HMCN1: variants seen among roughly 807,000 people sequenced by gnomAD.
HMCN1 encodes hemicentin-1.
A neutral mutation model predicts 625.9 loss-of-function variants in HMCN1; 321 were observed. The ratio of observed to expected loss-of-function variants is 0.51; its 90% CI spans 0.47 to 0.56. The LOEUF (loss-of-function observed/expected upper bound fraction) is 0.56, where lower values mean the gene tolerates loss of function less well. Among genes scored for constraint, HMCN1 ranks in the 20% least tolerant of loss-of-function variants. The pLI is 0.00. For missense variants in HMCN1, 6,588 were observed against 6,887.3 expected (o/e 0.96, Z 1.54); for synonymous variants, 2,425 against 2,417.6 (o/e 1.00, Z -0.09).
intron 42 of HMCN1, among the ~76,000 whole-genome samples, chr1:186,049,961 A>G (rs994260673): frequency 5.3e-5 from 8 of 151,848 alleles, no homozygotes; most frequent in African/African-American, 9.7e-5. Flanking sequence ...ATTACATACT[A>G]CTTATATGTA....
intron 1 of HMCN1, among the ~76,000 whole-genome samples, chr1:185,769,206 G>A (rs765089557): frequency 1.8e-4 from 27 of 152,160 alleles, no homozygotes; most frequent in Middle Eastern, 3.4e-3. Flanking sequence ...CCAGCACTTC[G>A]GAAGGCTGAG....
At chr1:186,080,472 A>AT (rs1373681923) in intron 55 of HMCN1, among the ~76,000 whole-genome samples, 1 of 152,188 alleles carries the variant, frequency 6.6e-6, no homozygotes, top group Non-Finnish European at 1.5e-5. Flanking sequence ...GGGTAACGTG[A>AT]TTTTTCATAA....
intron 81 of HMCN1, among the ~76,000 whole-genome samples, chr1:186,124,107 C>T (rs531544107): frequency 2.8e-4 from 42 of 152,146 alleles, no homozygotes; most frequent in African/African-American, 9.9e-4. Flanking sequence ...ACTCCTTCTT[C>T]TCAAATGTCT....
chr1:186,102,019 C>T (rs1025324361), intron 68 of HMCN1, among the ~76,000 whole-genome samples: 4 of 151,864 alleles, frequency 2.6e-5, no homozygotes, highest in Non-Finnish European at 1.5e-5. Flanking sequence ...CAAGAAAGGA[C>T]GAAGCTTGTT....
intron 1 of HMCN1, among the ~76,000 whole-genome samples, chr1:185,743,177 C>A (rs933454866): frequency 6.6e-6 from 1 of 152,160 alleles, no homozygotes; most frequent in African/African-American, 2.4e-5. Context: ...TACAGCCACA[C>A]AATAGACACT....
chr1:185,916,102 T>C (rs1012579538), intron 6 of HMCN1, among the ~76,000 whole-genome samples: 4 of 151,884 alleles, frequency 2.6e-5, no homozygotes, highest in African/African-American at 9.7e-5. Flanking sequence ...AAGTAGAATT[T>C]ATGTTTTGGA....
At chr1:185,986,639 T>G (rs1396815976) in intron 19 of HMCN1, among the ~76,000 whole-genome samples, 1 of 152,022 alleles carries the variant, frequency 6.6e-6, no homozygotes, top group East Asian at 1.9e-4. Flanking sequence ...CTTTCTAAAG[T>G]CAAAGGTGTT....
intron 95 of HMCN1, 59 bp from the exon 96 acceptor site, chr1:186,152,691 T>C: frequency 6.2e-7 from 1 of 1,608,906 alleles, no homozygotes; most frequent in Non-Finnish European, 8.5e-7. Context: ...GTAAATCTGC[T>C]CTGTGCTTAC....
chr1:185,903,051 T>A lies in HMCN1; in HGVS notation c.622-6286T>A, dbSNP rs1665904576. Among the ~76,000 whole-genome samples, 2 of 151,770 alleles carry A rather than the reference T, an allele frequency of 1.3e-5. 1 individual carries two copies. Among genetic ancestry groups the A allele is most frequent in the South Asian group, 4.1e-4 (2 of 4,830 alleles). On this transcript the variant is annotated intron_variant, in intron 4 of 106. Coordinates refer to ENST00000271588, the MANE Select transcript of HMCN1 (RefSeq NM_031935.3). ...AAGTTAATTTTCTGTATTTGTATTA[T>A]TTTAAATAAAACATATTTTTCTGGC...
chr1:186,188,249 A>G (rs67079542), intron 106 of HMCN1, among the ~76,000 whole-genome samples: 4,650 of 152,304 alleles, frequency 0.031, 84 homozygotes, highest in Non-Finnish European at 0.048. Context: ...CAGTCTTCCC[A>G]GAATATAACA....
At chr1:185,845,933 G>T in intron 1 of HMCN1, 93 bp from the exon 2 acceptor site, 1 of 780,104 alleles carries the variant, frequency 1.3e-6, no homozygotes, top group Non-Finnish European at 2.3e-6. Context: ...AAGTAACCAT[G>T]TACTGCAAGG....
chr1:186,019,849 G>A (rs143997729), intron 35 of HMCN1, among the ~76,000 whole-genome samples, 154 bp downstream of exon 35: 158 of 152,036 alleles, frequency 1.0e-3, no homozygotes, highest in Admixed American at 8.7e-3. Flanking sequence ...GAGTTTTTAA[G>A]AATTTAACAA....
intron 1 of HMCN1, among the ~76,000 whole-genome samples, chr1:185,835,443 G>A (rs1489890387): frequency 6.6e-6 from 1 of 151,870 alleles, no homozygotes; most frequent in African/African-American, 2.4e-5. Context: ...AGGGGAGGGG[G>A]TGGGATGGCT....
chr1:185,872,150 A>C (rs554491153), intron 4 of HMCN1, among the ~76,000 whole-genome samples: 1 of 152,208 alleles, frequency 6.6e-6, no homozygotes, highest in Non-Finnish European at 1.5e-5. Context: ...TGGAATGGAG[A>C]TGTTCAGAGC....
intron 4 of HMCN1, among the ~76,000 whole-genome samples, chr1:185,892,240 T>A (rs1389259014): frequency 1.3e-5 from 2 of 150,938 alleles, no homozygotes; most frequent in Non-Finnish European, 2.9e-5. Flanking sequence ...TTTCAACTTC[T>A]TTGCCTTCGG....
Position 186,128,251 on chromosome 1 carries a change from G to A in HMCN1, c.12864G>A (p.Leu4288=). The A allele has an allele frequency of 6.2e-7, 1 of 1,613,446 alleles. No homozygotes were observed. Among genetic ancestry groups the A allele is most frequent in the Non-Finnish European group, 8.5e-7 (1 of 1,179,630 alleles). ...RLSCKATGIP[L]PKLTWTFNNN... ...GCTGTAAAGCTACTGGTATTCCATT[G>A]CCCAAATTAACATGGACCTTCAATA... Residue 4288 remains leucine, a synonymous_variant, in exon 83 of 107, where the codon TTG becomes TTA. Coordinates refer to ENST00000271588, the MANE Select transcript of HMCN1 (RefSeq NM_031935.3).
At chr1:185,785,864 A>G (rs1047209439) in intron 1 of HMCN1, among the ~76,000 whole-genome samples, 2 of 152,206 alleles carry the variant, frequency 1.3e-5, no homozygotes, top group African/African-American at 4.8e-5. Flanking sequence ...AAAAACACAT[A>G]TATCATGCTG....
At chr1:185,871,585 G>T (rs1663624747) in intron 4 of HMCN1, among the ~76,000 whole-genome samples, 1 of 152,136 alleles carries the variant, frequency 6.6e-6, no homozygotes, top group African/African-American at 2.4e-5. Flanking sequence ...GGAAAGTTGA[G>T]CTTACTAGGT....
chr1:185,742,551 A>G (rs925582918), intron 1 of HMCN1, among the ~76,000 whole-genome samples: 14 of 152,334 alleles, frequency 9.2e-5, no homozygotes, highest in Admixed American at 7.2e-4. Context: ...ACCTGTGCAC[A>G]TCTATATGAA....
Sources: allele counts gnomAD v4.1 joint callset (sites outside exome capture counted in the v4.1 genomes callset), GRCh38; gene constraint gnomAD v4.1.1; transcripts MANE v1.5; gene names NCBI Gene and HGNC (gene_info 2026-07-23, HGNC 2026-07-21).